The following FRMD4B variants were observed in gnomAD, a reference collection of about 807,000 sequenced individuals.
FRMD4B encodes the protein FERM domain-containing protein 4B.
FRMD4B carries 74 observed loss-of-function variants against 141.5 expected under a neutral mutation model. That is an observed-to-expected ratio of 0.52 (90% CI 0.43 to 0.63). FRMD4B has a LOEUF of 0.63. Among genes scored for constraint, FRMD4B ranks in the 30% least tolerant of loss-of-function variants. FRMD4B has a pLI of 0.00. For synonymous variants in FRMD4B, 506 were observed against 467.9 expected, an observed-to-expected ratio of 1.08 and a Z score of -1.05; for missense variants, 1,366 against 1,253.4, an observed-to-expected ratio of 1.09 and a Z score of -1.36.
At chr3:69,496,452 G>A (rs182410600) in intron 1 of FRMD4B, among the ~76,000 whole-genome samples, 2 of 152,090 alleles carry the variant, frequency 1.3e-5, no homozygotes, top group Admixed American at 1.3e-4. Context: ...ATCCAATTAG[G>A]GTCAGTCTTG....
Position 69,181,097 on chromosome 3 carries a change from G to C in FRMD4B, c.2653C>G (p.His885Asp). 4 of 1,613,998 alleles carry C rather than the reference G, an allele frequency of 2.5e-6. No individual in the cohort carries two copies. Among genetic ancestry groups the C allele is most frequent in the Middle Eastern group, 3.3e-4 (2 of 6,062 alleles). The change falls in exon 21 of 23, where the codon CAC (histidine) becomes GAC (aspartate). Residue 885 changes from histidine to aspartate, a missense_variant. Transcript: ENST00000398540. ...GCCTTGTGGATGTTTTTGGTGATGT[G>C]CTCCGATTTTGCAGCAGCCTTCCTT... ...LPRKAAAKSE[H>D]ITKNIHKALV... is the part of the protein sequence containing the mutation.
intron 1 of FRMD4B, among the ~76,000 whole-genome samples, chr3:69,322,600 T>C: frequency 6.7e-6 from 1 of 149,732 alleles, no homozygotes; most frequent in Non-Finnish European, 1.5e-5. Context: ...CTCTCTTTTT[T>C]TTTTTTTTTT....
At chr3:69,220,490 G>A (rs1055775676) in intron 9 of FRMD4B, among the ~76,000 whole-genome samples, 3 of 152,142 alleles carry the variant, frequency 2.0e-5, no homozygotes, top group African/African-American at 7.2e-5. Context: ...AAAATGTCAA[G>A]GATCCAATTT....
intron 7 of FRMD4B, among the ~76,000 whole-genome samples, chr3:69,238,136 A>G (rs2093358380): frequency 6.6e-6 from 1 of 152,210 alleles, no homozygotes; most frequent in Admixed American, 6.5e-5. Context: ...GGCACCCAAG[A>G]TGTTGGTGCT....
chr3:69,181,730 A>C lies in FRMD4B; in HGVS notation c.2040-20T>G. Reference sequence around the variant, plus strand: ...TCGGGTCTGAAAGAGGAGAAAGGCAAACTTCTCAACACCAAGAAGAAAAGG... The same window carrying C: ...TCGGGTCTGAAAGAGGAGAAAGGCACACTTCTCAACACCAAGAAGAAAAGG... On this transcript the variant is annotated intron_variant, in intron 20 of 22. Transcript: ENST00000398540. 6.8e-7 allele frequency: 1 copy of C among 1,480,550 alleles called. No homozygotes were observed. Among genetic ancestry groups the C allele is most frequent in the East Asian group, 2.3e-5 (1 of 43,782 alleles). 91.7% of individuals were successfully genotyped at this position (1,480,550 alleles called of 1,614,324 possible).
intron 1 of FRMD4B, chr3:69,536,459 T>C (rs1259252766): frequency 4.3e-6 from 3 of 704,274 alleles, no homozygotes; most frequent in Non-Finnish European, 7.9e-6. Context: ...TTGTGCAGGA[T>C]GTAGAGCTTG....
At chr3:69,460,527 T>G (rs1705693551) in intron 1 of FRMD4B, among the ~76,000 whole-genome samples, 1 of 152,210 alleles carries the variant, frequency 6.6e-6, no homozygotes, top group South Asian at 2.1e-4. Context: ...CCAAACTGGT[T>G]GCACACCAGA....
chr3:69,274,146 T>A (rs2093607561), intron 5 of FRMD4B, among the ~76,000 whole-genome samples: 1 of 152,156 alleles, frequency 6.6e-6, no homozygotes, highest in African/African-American at 2.4e-5. Context: ...CCTAGAGTGA[T>A]AAGCCAGGGC....
chr3:69,342,765 G>C (rs1702780730), intron 1 of FRMD4B, among the ~76,000 whole-genome samples: 1 of 151,906 alleles, frequency 6.6e-6, no homozygotes, highest in Non-Finnish European at 1.5e-5. Context: ...CTTTATGTTG[G>C]GAACATTCAA....
intron 9 of FRMD4B, among the ~76,000 whole-genome samples, chr3:69,219,466 C>G (rs2093172917): frequency 6.6e-6 from 1 of 152,140 alleles, no homozygotes. Flanking sequence ...CATGCAGCAA[C>G]TAAACTGCAC....
chr3:69,475,947 T>C (rs925919226), intron 1 of FRMD4B, among the ~76,000 whole-genome samples: 67 of 151,936 alleles, frequency 4.4e-4, no homozygotes, highest in Non-Finnish European at 4.1e-4. Flanking sequence ...TGCATTTCTC[T>C]GATGGCCAGT....
At chr3:69,257,396 C>T (rs2093499379) in intron 5 of FRMD4B, among the ~76,000 whole-genome samples, 1 of 152,114 alleles carries the variant, frequency 6.6e-6, no homozygotes, top group African/African-American at 2.4e-5. Flanking sequence ...TTTTTCATAT[C>T]GATATTGACT....
At chr3:69,395,241 T>A (rs890114931) in intron 2 of FRMD4B, among the ~76,000 whole-genome samples, 6 of 152,168 alleles carry the variant, frequency 3.9e-5, no homozygotes, top group African/African-American at 1.4e-4. Context: ...GAACAGTTAT[T>A]TTTTTTATGG....
intron 1 of FRMD4B, among the ~76,000 whole-genome samples, chr3:69,363,125 T>C (rs1703521184): frequency 6.6e-6 from 1 of 152,042 alleles, no homozygotes; most frequent in African/African-American, 2.4e-5. Context: ...GTCCCAGGCT[T>C]CTTCTATTTT....
At chr3:69,540,325 A>C (rs1180974998) in intron 1 of FRMD4B, among the ~76,000 whole-genome samples, 1 of 150,338 alleles carries the variant, frequency 6.7e-6, no homozygotes, top group Non-Finnish European at 1.5e-5. Context: ...ATTTATTAAA[A>C]ATATATAGGC....
chr3:69,489,317 T>C (rs1344252590), intron 1 of FRMD4B, among the ~76,000 whole-genome samples: 1 of 148,406 alleles, frequency 6.7e-6, no homozygotes, highest in African/African-American at 2.5e-5. Context: ...ATAAAATGTA[T>C]ACATATATAA....
At chr3:69,368,689 T>G (rs1343150778) in intron 1 of FRMD4B, among the ~76,000 whole-genome samples, 1 of 152,190 alleles carries the variant, frequency 6.6e-6, no homozygotes, top group Non-Finnish European at 1.5e-5. Flanking sequence ...TGTGGGAGCT[T>G]CAGCACATAA....
At chr3:69,421,016 C>G (rs1272771079) in intron 2 of FRMD4B, among the ~76,000 whole-genome samples, 1 of 152,226 alleles carries the variant, frequency 6.6e-6, no homozygotes, top group Non-Finnish European at 1.5e-5. Context: ...CCCTCACTCC[C>G]CATTGTGGCT....
chr3:69,506,856 T>C (rs142203860), intron 1 of FRMD4B, among the ~76,000 whole-genome samples: 87 of 152,318 alleles, frequency 5.7e-4, no homozygotes, highest in African/African-American at 2.0e-3. Flanking sequence ...TACTGTTAAA[T>C]TCCTGCCTCT....
Sources: allele counts gnomAD v4.1 joint callset (sites outside exome capture counted in the v4.1 genomes callset), GRCh38; gene constraint gnomAD v4.1.1; transcripts MANE v1.5; gene names NCBI Gene and HGNC (gene_info 2026-07-23, HGNC 2026-07-21).